The following HSPH1 variants were observed in gnomAD, a reference collection of about 807,000 sequenced individuals.
The protein encoded by HSPH1 is heat shock protein 105 kDa.
A neutral mutation model predicts 100.0 loss-of-function variants in HSPH1; 40 were observed. The observed-to-expected ratio is 0.40, with a 90% confidence interval of 0.31 to 0.52. HSPH1 has a LOEUF of 0.52. Ranked by LOEUF, HSPH1 falls within the 20% of genes least tolerant of loss-of-function variation. The probability of loss-of-function intolerance (pLI) is 0.54; values close to 1 mark genes in which losing one functional copy is unlikely to be tolerated. For synonymous variants in HSPH1, 403 were observed against 344.0 expected (o/e 1.17, Z -1.90); for missense variants, 876 against 1,015.1 (o/e 0.86, Z 1.86).
chr13:31,154,589 G>A (rs779506160), intron 4 of HSPH1, 44 bp downstream of exon 4: 19 of 1,609,660 alleles, frequency 1.2e-5, no homozygotes, highest in East Asian at 4.5e-5. Context: ...TACAAAGAAC[G>A]CAAAAATGAA....
intron 4 of HSPH1, among the ~76,000 whole-genome samples, chr13:31,153,321 T>C (rs908988668): frequency 5.9e-5 from 9 of 152,204 alleles, no homozygotes; most frequent in Non-Finnish European, 1.3e-4. Context: ...ATTAGGAAAT[T>C]ATAATGCTAG....
At chr13:31,152,687 C>T (rs924854262) in intron 5 of HSPH1, 165 bp downstream of exon 5, 1 of 485,890 alleles carries the variant, frequency 2.1e-6, no homozygotes, top group Non-Finnish European at 3.7e-6. Context: ...GATAAAATAC[C>T]AATTTCTCAT....
rs926131945 is a variant in HSPH1, at chr13:31,145,869, C to T, written c.1379-101G>A. ...GGTGGGTGGTTCATGTCTGTAATCC[C>T]AGCACTTTGGGAGGCCGTGGTGGGT... On this transcript the variant is annotated intron_variant, in intron 10 of 17. Coordinates refer to ENST00000320027, the MANE Select transcript of HSPH1 (RefSeq NM_006644.4). The T allele has an allele frequency of 9.1e-6, 10 of 1,094,374 alleles. No individual in the cohort carries two copies. In the African/African-American group the frequency reaches 1.4e-4, roughly 15 times the overall value. The allele number at this position is 1,094,374 out of a possible 1,614,324, so 67.8% of individuals were successfully genotyped here. A position where few individuals can be genotyped will look rare whatever the true frequency, so the allele number is the denominator to read the frequency against.
At position 31,159,091 on chromosome 13, in the gene HSPH1, C is replaced by T. The variant is rs1956805573; in HGVS notation, c.108-228G>A. Among the ~76,000 whole-genome samples the T allele has an allele frequency of 2.7e-5, 4 of 149,086 alleles. No individual in the cohort carries two copies. In the South Asian group the frequency reaches 8.8e-4, roughly 33 times the overall value. On this transcript the variant is annotated intron_variant, in intron 1 of 17. Coordinates refer to ENST00000320027, the MANE Select transcript of HSPH1 (RefSeq NM_006644.4). The stretch of plus-strand genomic sequence containing the variant: ...TTCTACTACCCCAAAAACCTCTGCT[C>T]GTGGCTCAGGAATTCTCCAGGTTCC...
intron 1 of HSPH1, among the ~76,000 whole-genome samples, chr13:31,159,308 A>G (rs995669801): frequency 3.3e-5 from 5 of 152,240 alleles, no homozygotes; most frequent in Non-Finnish European, 7.3e-5. Flanking sequence ...TTAGGAATCA[A>G]AAGTTTTTAT....
chr13:31,139,981 T>C (rs1253161611), intron 14 of HSPH1, among the ~76,000 whole-genome samples: 3 of 152,062 alleles, frequency 2.0e-5, no homozygotes, highest in African/African-American at 7.2e-5. Context: ...CTCTTCTAGA[T>C]GGTAAAAATG....
At chr13:31,160,728 C>A (rs1170305562) in intron 1 of HSPH1, among the ~76,000 whole-genome samples, 9 of 152,044 alleles carry the variant, frequency 5.9e-5, no homozygotes, top group Non-Finnish European at 1.3e-4. Flanking sequence ...TTTAAATAAA[C>A]TGTGCAAAAT....
At position 31,138,876 on chromosome 13, in the gene HSPH1, G is replaced by T; in HGVS notation, c.2113C>A (p.Arg705=). The part of the protein sequence containing the change: ...LMKIGTPVKV[R]FQEAEERPKM... ...GGCCGTTCTTCAGCTTCCTGAAACC[G>T]AACTTTAACTGGAGTGCCAATTTTC... is the stretch of plus-strand genomic sequence containing the variant. Residue 705 remains arginine (R), a synonymous_variant, in exon 16 of 18, where the codon CGG becomes AGG. Coordinates refer to ENST00000320027, the MANE Select transcript of HSPH1 (RefSeq NM_006644.4). 6.2e-7 allele frequency: 1 copy of T among 1,607,880 alleles called. No individual in the cohort carries two copies. The highest frequency in any genetic ancestry group is 1.1e-5 in the South Asian group (1 of 89,288).
intron 1 of HSPH1, 120 bp downstream of exon 1, chr13:31,161,356 G>C (rs534564531): frequency 6.7e-7 from 1 of 1,482,058 alleles, no homozygotes; most frequent in East Asian, 2.5e-5. Flanking sequence ...ACGGAGGGGT[G>C]CGCCGCTGCC....
Position 31,135,847 on chromosome 13 carries a change from C to A in HSPH1, c.*1471G>T, listed in dbSNP as rs985476062. 2.6e-5 allele frequency: 4 copies of A among 152,144 alleles called. No individual in the cohort carries two copies. Among genetic ancestry groups the A allele is most frequent in the Non-Finnish European group, 5.9e-5 (4 of 68,040 alleles). 9.4% of individuals were successfully genotyped at this position (152,144 alleles called of 1,614,324 possible). ...AATTGGCTATAGTTCTAAGATTAAT[C>A]CCTTGTGGAAGAGGGAAAGTTGGCC... On this transcript the variant is annotated 3_prime_UTR_variant, in exon 18 of 18. Coordinates refer to ENST00000320027, the MANE Select transcript of HSPH1 (RefSeq NM_006644.4).
Position 31,161,699 on chromosome 13 carries a change from T to C in HSPH1, c.-117A>G, listed in dbSNP as rs969846384. 1.5e-5 allele frequency: 23 copies of C among 1,539,794 alleles called. No individual in the cohort carries two copies. The African/African-American group carries it at 2.9e-4, about 19-fold the overall frequency. Reference sequence around the variant, plus strand: ...GCGTTCTGCTCCGGCCCGCGGGGTCTGGCCGTTCCTCTGACACTCAGAAGG... The same window carrying C: ...GCGTTCTGCTCCGGCCCGCGGGGTCCGGCCGTTCCTCTGACACTCAGAAGG... On this transcript the variant is annotated 5_prime_UTR_variant, in exon 1 of 18. Coordinates refer to ENST00000320027, the MANE Select transcript of HSPH1 (RefSeq NM_006644.4).
At chr13:31,154,479 C>G (rs553707093) in intron 4 of HSPH1, 154 bp downstream of exon 4, 1 of 850,586 alleles carries the variant, frequency 1.2e-6, no homozygotes, top group Non-Finnish European at 1.9e-6. Flanking sequence ...TCACTCAAAT[C>G]TACTTTGTAA....
At chr13:31,144,087 T>C (rs778194813) in intron 11 of HSPH1, among the ~76,000 whole-genome samples, 164 bp from the exon 12 acceptor site, 2 of 152,164 alleles carry the variant, frequency 1.3e-5, no homozygotes, top group Non-Finnish European at 2.9e-5. Flanking sequence ...CTTGAAAACT[T>C]CTGTAGAAAT....
At chr13:31,140,671 CA>C (rs1956056692) in intron 13 of HSPH1, 1 of 174,092 alleles carries the variant, frequency 5.7e-6, no homozygotes. Flanking sequence ...ACCACTCTGC[CA>C]CATTTTTAAA....
At chr13:31,154,806 T>C (rs1159555972) in intron 3 of HSPH1, 51 bp from the exon 4 acceptor site, 2 of 1,512,714 alleles carry the variant, frequency 1.3e-6, no homozygotes, top group South Asian at 1.2e-5. Context: ...TTAAGCTACA[T>C]GCCAATATTT....
intron 7 of HSPH1, among the ~76,000 whole-genome samples, 164 bp from the exon 8 acceptor site, chr13:31,150,346 C>A (rs1426558867): frequency 6.6e-6 from 1 of 152,154 alleles, no homozygotes; most frequent in East Asian, 1.9e-4. Flanking sequence ...TTGATAAATA[C>A]ACCAAACAGG....
At chr13:31,150,280 C>G in intron 7 of HSPH1, 98 bp from the exon 8 acceptor site, 1 of 839,536 alleles carries the variant, frequency 1.2e-6, no homozygotes, top group South Asian at 1.7e-5. Flanking sequence ...CCTCAGACAC[C>G]TTGGATCCCA....
At position 31,138,574 on chromosome 13, in the gene HSPH1, CA is replaced by C. The variant is rs750455220; in HGVS notation, c.2209-7del. ...ATATGGTTGTATTTCTCATCCTGAACAAAAATAACACGGTCATTCTGTAGAA... is the reference window on the plus strand; with the variant it reads ...ATATGGTTGTATTTCTCATCCTGAACAAAATAACACGGTCATTCTGTAGAA... On this transcript the variant is annotated splice_polypyrimidine_tract_variant and splice_region_variant and intron_variant, in intron 16 of 17. Transcript: ENST00000320027. 52 of 1,599,984 alleles carry C rather than the reference CA, an allele frequency of 3.3e-5. No individual in the cohort carries two copies. Among genetic ancestry groups the C allele is most frequent in the Non-Finnish European group, 4.4e-5 (52 of 1,174,394 alleles).
intron 2 of HSPH1, among the ~76,000 whole-genome samples, chr13:31,158,188 A>G (rs1956765848): frequency 6.6e-6 from 1 of 152,250 alleles, no homozygotes; most frequent in Non-Finnish European, 1.5e-5. Flanking sequence ...AAACTTCACA[A>G]GAACTTAAAA....
Sources: gnomAD v4.1 joint callset for allele counts (sites outside exome capture counted in the v4.1 genomes callset) on GRCh38, gnomAD v4.1.1 for gene constraint, MANE v1.5 for transcripts, NCBI Gene and HGNC (gene_info 2026-07-23, HGNC 2026-07-21) for gene names.